The following MIR2052HG variants were observed in gnomAD, a reference collection of about 807,000 sequenced individuals.
MIR2052HG encodes the protein MIR2052 host gene.
intron 4 of MIR2052HG, among the ~76,000 whole-genome samples, chr8:74,719,609 T>C (rs1185801067): frequency 6.6e-6 from 1 of 152,000 alleles, no homozygotes; most frequent in Non-Finnish European, 1.5e-5. Flanking sequence ...TCACTGATCT[T>C]TTATTTATTT....
intron 2 of MIR2052HG, among the ~76,000 whole-genome samples, chr8:74,685,986 A>G (rs147116240): frequency 1.3e-5 from 2 of 152,066 alleles, no homozygotes; most frequent in African/African-American, 4.8e-5. Flanking sequence ...TCAGACACCT[A>G]TTTCCTTGCT....
chr8:74,742,257 A>G (rs1401114966), intron 4 of MIR2052HG, among the ~76,000 whole-genome samples: 2 of 152,204 alleles, frequency 1.3e-5, no homozygotes, highest in East Asian at 3.9e-4. Context: ...TCCTTTGTCA[A>G]GAATGCACTT....
At chr8:74,611,824 T>C (rs1215211908) in intron 1 of MIR2052HG, among the ~76,000 whole-genome samples, 2 of 152,194 alleles carry the variant, frequency 1.3e-5, no homozygotes, top group Non-Finnish European at 2.9e-5. Context: ...GATAGGATGT[T>C]CAACTATTTG....
intron 4 of MIR2052HG, among the ~76,000 whole-genome samples, chr8:74,715,814 G>A (rs576535941): frequency 7.2e-5 from 11 of 152,268 alleles, no homozygotes; most frequent in African/African-American, 2.4e-4. Flanking sequence ...ATTATGGGAA[G>A]GATTGTAAGT....
chr8:74,640,520 G>A (rs934795395), intron 2 of MIR2052HG, among the ~76,000 whole-genome samples: 1 of 149,578 alleles, frequency 6.7e-6, no homozygotes, highest in Admixed American at 6.7e-5. Context: ...CCTGGCCTCC[G>A]TTTTAAGTTC....
At chr8:74,669,537 T>G (rs1808967929) in intron 2 of MIR2052HG, among the ~76,000 whole-genome samples, 1 of 152,178 alleles carries the variant, frequency 6.6e-6, no homozygotes, top group South Asian at 2.1e-4. Context: ...GCTAATGATT[T>G]TCCTTTCCAA....
chr8:74,638,279 A>C (rs1808603790), intron 2 of MIR2052HG, among the ~76,000 whole-genome samples: 1 of 152,194 alleles, frequency 6.6e-6, no homozygotes. Flanking sequence ...TATTTGATAT[A>C]AAAGTATGAG....
chr8:74,652,492 C>T (rs1247067222), intron 2 of MIR2052HG, among the ~76,000 whole-genome samples: 1 of 152,154 alleles, frequency 6.6e-6, no homozygotes, highest in African/African-American at 2.4e-5. Flanking sequence ...TTTATTACCT[C>T]AAATTATTGA....
intron 4 of MIR2052HG, among the ~76,000 whole-genome samples, chr8:74,745,786 C>T (rs927696111): frequency 1.3e-5 from 2 of 152,046 alleles, no homozygotes; most frequent in East Asian, 1.9e-4. Flanking sequence ...AGCAAACATC[C>T]GTGGGTACAG....
intron 2 of MIR2052HG, among the ~76,000 whole-genome samples, chr8:74,696,084 T>G (rs1809293131): frequency 6.6e-6 from 1 of 151,762 alleles, no homozygotes; most frequent in Non-Finnish European, 1.5e-5. Context: ...ACAAAACAGG[T>G]CTCAACAAAT....
At chr8:74,758,297 T>C (rs191065908) in intron 6 of MIR2052HG, 1 of 152,226 alleles carries the variant, frequency 6.6e-6, no homozygotes, top group East Asian at 1.9e-4. Context: ...TTTTATTGTG[T>C]AAATGTAGAT....
Position 74,733,049 on chromosome 8 carries a change from CATTTATTTATTTATTT to C in MIR2052HG, n.372-19367_372-19352del, listed in dbSNP as rs71565409. Among the ~76,000 whole-genome samples, 45 of 148,940 alleles carry C rather than the reference CATTTATTTATTTATTT, an allele frequency of 3.0e-4. 1 individual carries two copies. The highest frequency in any genetic ancestry group is 3.5e-4 in the African/African-American group (14 of 39,890). ...ACCTAATCAGAGACCAATTAGGAGACATTTATTTATTTATTTATTTATTTATTTATTTATTTATTTT... is the reference window on the plus strand; with the variant it reads ...ACCTAATCAGAGACCAATTAGGAGACATTTATTTATTTATTTATTTATTTT... On this transcript the variant is annotated intron_variant and non_coding_transcript_variant, in intron 4 of 6. Coordinates refer to ENST00000523442, the Ensembl canonical transcript of MIR2052HG.
chr8:74,740,202 ACCT>A (rs1809811469), intron 4 of MIR2052HG, among the ~76,000 whole-genome samples: 1 of 152,162 alleles, frequency 6.6e-6, no homozygotes, highest in Non-Finnish European at 1.5e-5. Context: ...AGTGGGTCAC[ACCT>A]GTAATCCCAG....
Position 74,680,773 on chromosome 8 carries a change from T to C in MIR2052HG, n.217-21606T>C, listed in dbSNP as rs1212645628. Among the ~76,000 whole-genome samples, 3 of 152,160 alleles carry C rather than the reference T, an allele frequency of 2.0e-5. No homozygotes were observed. In the East Asian group the frequency reaches 5.8e-4, roughly 29 times the overall value. On this transcript the variant is annotated intron_variant and non_coding_transcript_variant, in intron 2 of 6. Coordinates refer to ENST00000523442, the Ensembl canonical transcript of MIR2052HG. ...ACAGACACATGCACACGTATGTTTA[T>C]TGCGGCATTATTCACAATAGCAAAG...
At chr8:74,699,282 C>T (rs1431406800) in intron 2 of MIR2052HG, among the ~76,000 whole-genome samples, 1 of 152,066 alleles carries the variant, frequency 6.6e-6, no homozygotes. Context: ...AAAAAGAAGT[C>T]ATCATACGAA....
In MIR2052HG at chr8:74,692,273, T is replaced by C. The variant is rs145421017; in HGVS notation, n.217-10106T>C. Among the ~76,000 whole-genome samples, 17 of 152,290 alleles carry C rather than the reference T, an allele frequency of 1.1e-4. No homozygotes were observed. The East Asian group carries it at 3.3e-3, about 29-fold the overall frequency. On this transcript the variant is annotated intron_variant and non_coding_transcript_variant, in intron 2 of 6. Transcript: ENST00000523442. Reference sequence around the variant, plus strand: ...ACCTGACTAATTTTTATATTTTTAGTAGAGATGAGGGTTTCACTATGTTGC... The same window carrying C: ...ACCTGACTAATTTTTATATTTTTAGCAGAGATGAGGGTTTCACTATGTTGC...
chr8:74,712,576 T>C (rs1809480470), intron 4 of MIR2052HG, among the ~76,000 whole-genome samples: 1 of 152,212 alleles, frequency 6.6e-6, no homozygotes, highest in Admixed American at 6.5e-5. Flanking sequence ...TCAAATAGCC[T>C]ATAAGCAGTG....
rs201630191 is a variant in MIR2052HG at position 74,700,448 on chromosome 8, C to T, written n.217-1931C>T. On this transcript the variant is annotated intron_variant and non_coding_transcript_variant, in intron 2 of 6. Coordinates refer to ENST00000523442, the Ensembl canonical transcript of MIR2052HG. ...GTCATGTAAACTTTTCTGATAGCCACATTAAAAGAGTAATAAAACAGGTGA... is the reference window on the plus strand; with the variant it reads ...GTCATGTAAACTTTTCTGATAGCCATATTAAAAGAGTAATAAAACAGGTGA... Among the ~76,000 whole-genome samples the T allele has an allele frequency of 2.0e-5, 3 of 152,068 alleles. No individual in the cohort carries two copies. The East Asian group carries it at 5.8e-4, about 29-fold the overall frequency.
chr8:74,639,500 A>G (rs1208163948), intron 2 of MIR2052HG, among the ~76,000 whole-genome samples: 1 of 152,160 alleles, frequency 6.6e-6, no homozygotes, highest in African/African-American at 2.4e-5. Flanking sequence ...GGATCGCACA[A>G]CTGGTCACAT....
Sources: gnomAD v4.1 joint callset for allele counts (sites outside exome capture counted in the v4.1 genomes callset) on GRCh38, gnomAD v4.1.1 for gene constraint, MANE v1.5 for transcripts, NCBI Gene and HGNC (gene_info 2026-07-23, HGNC 2026-07-21) for gene names.